Variants in ASCC3 observed in about 807,000 individuals in gnomAD.
ASCC3 encodes activating signal cointegrator 1 complex subunit 3, also known as ASC-1 complex subunit P200.
ASCC3 carries 158 observed loss-of-function variants against 256.3 expected under a neutral mutation model. That is an observed-to-expected ratio of 0.62 (90% CI 0.54 to 0.70). The LOEUF (loss-of-function observed/expected upper bound fraction) is 0.70. Among genes scored for constraint, ASCC3 ranks in the 30% least tolerant of loss-of-function variants. The probability of loss-of-function intolerance (pLI) is 0.00; values close to 1 mark genes in which losing one functional copy is unlikely to be tolerated. For missense variants in ASCC3, 2,259 were observed against 2,626.0 expected (o/e 0.86, Z 3.05); for synonymous variants, 948 against 883.4 (o/e 1.07, Z -1.30).
intron 4 of ASCC3, among the ~76,000 whole-genome samples, chr6:100,809,129 CTT>C (rs1419861992): frequency 6.6e-6 from 1 of 151,528 alleles, no homozygotes; most frequent in Non-Finnish European, 1.5e-5. Context: ...CTACCGTAGA[CTT>C]TATAAACACT....
At chr6:100,859,308 A>G in intron 3 of ASCC3, 1 of 765,712 alleles carries the variant, frequency 1.3e-6, no homozygotes, top group South Asian at 1.4e-5. Context: ...TCTCTGATAT[A>G]GTCAAACAAA....
At chr6:100,639,617 T>C (rs966118394) in intron 24 of ASCC3, among the ~76,000 whole-genome samples, 1 of 152,238 alleles carries the variant, frequency 6.6e-6, no homozygotes, top group African/African-American at 2.4e-5. Flanking sequence ...CATAGTATTC[T>C]GTACCTTGAG....
chr6:100,764,091 ATCTCCCTTG>A (rs1781535949), intron 10 of ASCC3, among the ~76,000 whole-genome samples: 1 of 152,236 alleles, frequency 6.6e-6, no homozygotes, highest in African/African-American at 2.4e-5. Flanking sequence ...TTTAAATGTT[ATCTCCCTTG>A]TCTTTCCACA....
At chr6:100,824,203 G>C (rs77585075) in intron 4 of ASCC3, among the ~76,000 whole-genome samples, 193 of 152,236 alleles carry the variant, frequency 1.3e-3, no homozygotes, top group African/African-American at 4.5e-3. Context: ...CACAATTCTT[G>C]CTATGTTATT....
chr6:100,805,664 G>A, intron 5 of ASCC3, 96 bp downstream of exon 5: 1 of 1,421,826 alleles, frequency 7.0e-7, no homozygotes, highest in Non-Finnish European at 9.6e-7. Flanking sequence ...TTATATAACA[G>A]ACCAAAACAT....
chr6:100,793,287 AAAG>A (rs1390250009), intron 8 of ASCC3, among the ~76,000 whole-genome samples: 1 of 152,014 alleles, frequency 6.6e-6, no homozygotes, highest in Non-Finnish European at 1.5e-5. Flanking sequence ...TGAAGGCAAG[AAAG>A]TTAAAGAAGC....
chr6:100,571,855 T>G (rs555903621), intron 36 of ASCC3, among the ~76,000 whole-genome samples: 1 of 152,316 alleles, frequency 6.6e-6, no homozygotes, highest in African/African-American at 2.4e-5. Flanking sequence ...CAGGTTTGTT[T>G]TGTAACTTCG....
intron 30 of ASCC3, among the ~76,000 whole-genome samples, chr6:100,608,146 C>T (rs144462584): frequency 0.23 from 9,403 of 41,140 alleles, 1,636 homozygotes; most frequent in African/African-American, 0.41. Context: ...GTATATATAT[C>T]TATATATACA....
At chr6:100,880,791 G>T (rs1216270357) in intron 1 of ASCC3, among the ~76,000 whole-genome samples, 2 of 152,206 alleles carry the variant, frequency 1.3e-5, no homozygotes, top group Non-Finnish European at 2.9e-5. Context: ...ATCTGGTCAC[G>T]TTGTGGCTTA....
At position 100,605,666 on chromosome 6, in the gene ASCC3, C is replaced by T. The variant is rs374070726; in HGVS notation, c.5079G>A (p.Pro1693=). The T allele has an allele frequency of 1.9e-4, 300 of 1,613,018 alleles. No homozygotes were observed. The highest frequency in any genetic ancestry group is 2.3e-4 in the Non-Finnish European group (272 of 1,179,208). The stretch of plus-strand genomic sequence containing the variant: ...CAGCTTTGCCTTGGTCATCGAACTG[C>T]GGCCTCCCAGCACGCCCCATCATCT... ...VLQMMGRAGR[P]QFDDQGKAVI... The change falls in exon 33 of 42, where the codon CCG becomes CCA. Residue 1693 remains proline (P), a synonymous_variant. Coordinates refer to ENST00000369162, the MANE Select transcript of ASCC3 (RefSeq NM_006828.4).
At chr6:100,751,935 C>A (rs1438585705) in intron 10 of ASCC3, among the ~76,000 whole-genome samples, 2 of 152,028 alleles carry the variant, frequency 1.3e-5, no homozygotes. Context: ...AAACATCAGA[C>A]CCATGTTTTT....
chr6:100,809,675 T>C (rs1390468005), intron 4 of ASCC3, among the ~76,000 whole-genome samples: 1 of 152,112 alleles, frequency 6.6e-6, no homozygotes, highest in Non-Finnish European at 1.5e-5. Flanking sequence ...TCTGAGATCA[T>C]AAATTTTGAT....
Position 100,606,938 on chromosome 6 carries a change from GA to G in ASCC3, c.4923+12del, listed in dbSNP as rs759567860. On this transcript the variant is annotated intron_variant, in intron 31 of 41. Transcript: ENST00000369162. ...TACATTTAAATATGTGTTCACTGGA[GA>G]AAAAAAAGTACCTGAACTTTACAGT... 1.5e-5 allele frequency: 24 copies of G among 1,612,598 alleles called. No individual in the cohort carries two copies. The East Asian group carries it at 3.6e-4, about 24-fold the overall frequency.
chr6:100,688,418 T>C (rs1777686488), intron 13 of ASCC3, among the ~76,000 whole-genome samples: 1 of 152,206 alleles, frequency 6.6e-6, no homozygotes, highest in African/African-American at 2.4e-5. Flanking sequence ...CATTTTAAAA[T>C]ATAGTTTTGT....
intron 4 of ASCC3, among the ~76,000 whole-genome samples, chr6:100,823,235 C>T (rs1771139777): frequency 6.6e-6 from 1 of 152,160 alleles, no homozygotes; most frequent in Non-Finnish European, 1.5e-5. Flanking sequence ...ATTTGCACTA[C>T]AAACTAATTT....
Position 100,662,002 on chromosome 6 carries a change from C to T in ASCC3, c.2507G>A (p.Gly836Asp). Residue 836 changes from glycine (G) to aspartate (D), a missense_variant, in exon 16 of 42, where the codon GGC becomes GAC. Gly to Asp is a moderately conservative substitution (Grantham distance 94). This residue lies in a region of ASCC3 where 1,839 missense variants were observed against 2,206.7 expected (regional missense o/e 0.83). Coordinates refer to ENST00000369162, the MANE Select transcript of ASCC3 (RefSeq NM_006828.4). ...TAAAATTCCAAGGTCAACAAAGGAG[C>T]CTCTTTTTGCAGCATATATTTGTGT... ...KGTQIYAAKR[G>D]SFVDLGILDV... The T allele has an allele frequency of 1.9e-6, 3 of 1,613,152 alleles. No homozygotes were observed. Among genetic ancestry groups the T allele is most frequent in the Non-Finnish European group, 2.5e-6 (3 of 1,179,416 alleles).
chr6:100,705,161 T>C (rs937248740), intron 13 of ASCC3, among the ~76,000 whole-genome samples: 1 of 151,984 alleles, frequency 6.6e-6, no homozygotes. Flanking sequence ...TCTTGCAGAG[T>C]AGGACTGTTG....
At chr6:100,542,314 T>C (rs757875355) in intron 36 of ASCC3, among the ~76,000 whole-genome samples, 13 of 152,152 alleles carry the variant, frequency 8.5e-5, no homozygotes, top group Non-Finnish European at 1.9e-4. Context: ...GGAAGGAAGA[T>C]AAGAAACCAG....
intron 14 of ASCC3, among the ~76,000 whole-genome samples, chr6:100,671,081 A>C (rs1451511053): frequency 1.3e-5 from 2 of 152,070 alleles, no homozygotes; most frequent in Non-Finnish European, 2.9e-5. Flanking sequence ...ATATAACATG[A>C]TGCAACTTTT....
Sources: gnomAD v4.1 joint callset for allele counts (sites outside exome capture counted in the v4.1 genomes callset) on GRCh38, gnomAD v4.1.1 for gene constraint, gnomAD v4.1.1 regional missense constraint, MANE v1.5 for transcripts, NCBI Gene and HGNC (gene_info 2026-07-23, HGNC 2026-07-21) for gene names.